The following IRS1 variants were observed in gnomAD, a reference collection of about 807,000 sequenced individuals.
IRS1 encodes the protein insulin receptor substrate 1.
In IRS1, 34 loss-of-function variants were observed where a neutral mutation model predicts 65.6. The ratio of observed to expected loss-of-function variants is 0.52; its 90% confidence interval spans 0.39 to 0.69. IRS1 has a LOEUF of 0.69. Among genes scored for constraint, IRS1 ranks in the 30% least tolerant of loss-of-function variants. IRS1 has a pLI of 0.00. For synonymous variants in IRS1, 699 were observed against 683.5 expected, an observed-to-expected ratio of 1.02 and a Z score of -0.35; for missense variants, 1,641 against 1,720.2, an observed-to-expected ratio of 0.95 and a Z score of 0.81.
chr2:226,791,183 C>A (rs959789179), intron 1 of IRS1, among the ~76,000 whole-genome samples: 2 of 152,078 alleles, frequency 1.3e-5, no homozygotes, highest in Non-Finnish European at 2.9e-5. Flanking sequence ...CCCCATGACC[C>A]AAAACGATGG....
Position 226,735,909 on chromosome 2 carries a change from T to C in IRS1, c.*363A>G, listed in dbSNP as rs1025677868. The C allele has an allele frequency of 1.3e-5, 2 of 152,666 alleles. No homozygotes were observed. The highest frequency in any genetic ancestry group is 1.3e-4 in the Admixed American group (2 of 15,278). 9.5% of individuals were successfully genotyped at this position (152,666 alleles called of 1,614,324 possible). A position where few individuals can be genotyped will look rare whatever the true frequency, so the allele number is the denominator to read the frequency against. Reference sequence around the variant, plus strand: ...CAGTTTCAGCAGCAGATGAAATGTATCTTGAAAATGCATTGAGAGTAAACC... The same window carrying C: ...CAGTTTCAGCAGCAGATGAAATGTACCTTGAAAATGCATTGAGAGTAAACC... On this transcript the variant is annotated 3_prime_UTR_variant, in exon 2 of 2. Coordinates refer to ENST00000305123, the MANE Select transcript of IRS1 (RefSeq NM_005544.3).
chr2:226,748,428 C>CA (rs748065097), intron 1 of IRS1, among the ~76,000 whole-genome samples: 4,241 of 47,352 alleles, frequency 0.09, 127 homozygotes, highest in Non-Finnish European at 0.13. Context: ...GACTCTGTCT[C>CA]AAAAAAAAAA....
intron 1 of IRS1, among the ~76,000 whole-genome samples, chr2:226,774,681 G>C: frequency 6.6e-6 from 1 of 152,190 alleles, no homozygotes; most frequent in East Asian, 1.9e-4. Flanking sequence ...AACACATGTA[G>C]AGAAACATTT....
At chr2:226,744,953 A>T (rs1237916668) in intron 1 of IRS1, among the ~76,000 whole-genome samples, 1 of 152,124 alleles carries the variant, frequency 6.6e-6, no homozygotes, top group East Asian at 1.9e-4. Flanking sequence ...AAAAAAAAAC[A>T]AAGTGGTCTA....
chr2:226,738,633 A>C (rs538615350), intron 1 of IRS1, among the ~76,000 whole-genome samples: 1 of 152,310 alleles, frequency 6.6e-6, no homozygotes, highest in African/African-American at 2.4e-5. Flanking sequence ...AATGAAAAGA[A>C]AGCCCGTCCC....
rs974159919 is a variant in IRS1 at position 226,795,389 on chromosome 2, A to C, written c.3350T>G (p.Val1117Gly). 2.5e-6 allele frequency: 4 copies of C among 1,613,202 alleles called. No homozygotes were observed. The highest frequency in any genetic ancestry group is 3.4e-6 in the Non-Finnish European group (4 of 1,179,942). Residue 1117 changes from valine (V) to glycine (G), a missense_variant, in exon 1 of 2, where the codon GTG (valine) becomes GGG (glycine). Val to Gly is a moderately radical substitution (Grantham distance 109). Coordinates refer to ENST00000305123, the MANE Select transcript of IRS1 (RefSeq NM_005544.3). ...TPSATRVGNT[V>G]PFGAGAAVGG... The stretch of plus-strand genomic sequence containing the variant: ...TACTGCTGCCCCCGCTCCAAAGGGC[A>C]CTGTGTTGCCCACCCGGGTGGCACT...
Position 226,794,699 on chromosome 2 carries a change from T to A in IRS1, c.*21+290A>T, listed in dbSNP as rs949463906. Among the ~76,000 whole-genome samples, 2 of 152,230 alleles carry A rather than the reference T, an allele frequency of 1.3e-5. No individual in the cohort carries two copies. Among genetic ancestry groups the A allele is most frequent in the African/African-American group, 4.8e-5 (2 of 41,454 alleles). Reference sequence around the variant, plus strand: ...CAAATCAAGCTTCTTACGGAGGAACTCTACAAAACGCAGAACTGGCATAGG... The same window carrying A: ...CAAATCAAGCTTCTTACGGAGGAACACTACAAAACGCAGAACTGGCATAGG... On this transcript the variant is annotated intron_variant, in intron 1 of 1. Transcript: ENST00000305123. This position sits in a 1 kb window ranked among gnomAD's most constrained non-coding sequence, Gnocchi z 4.1.
At chr2:226,737,916 T>C (rs1938361260) in intron 1 of IRS1, among the ~76,000 whole-genome samples, 1 of 152,176 alleles carries the variant, frequency 6.6e-6, no homozygotes. Context: ...AAAAGGACGC[T>C]TCCCATTGAG....
At position 226,797,845 on chromosome 2, in the gene IRS1, C is replaced by G. The variant is rs747682753; in HGVS notation, c.894G>C (p.Gly298=). The G allele has an allele frequency of 3.7e-5, 59 of 1,597,982 alleles. No homozygotes were observed. The highest frequency in any genetic ancestry group is 5.0e-5 in the Admixed American group (3 of 59,570). The change falls in exon 1 of 2, where the codon GGG becomes GGC. Residue 298 remains glycine, a synonymous_variant. Transcript: ENST00000305123. This position sits in a 1 kb window ranked among gnomAD's most constrained non-coding sequence, Gnocchi z 8.1. ...HLNNPPPSQV[G]LTRRSRTESI... Reference sequence around the variant, plus strand: ...TCTCAGTGCGTGATCGGCGGGTCAGCCCCACCTGGCTGGGCGGGGGATTGT... The same window carrying G: ...TCTCAGTGCGTGATCGGCGGGTCAGGCCCACCTGGCTGGGCGGGGGATTGT...
intron 1 of IRS1, among the ~76,000 whole-genome samples, chr2:226,740,885 A>G (rs1189992225): frequency 6.6e-6 from 1 of 152,192 alleles, no homozygotes; most frequent in Non-Finnish European, 1.5e-5. Context: ...ATTGTTTGAA[A>G]TCTTATATTG....
At chr2:226,788,359 G>A (rs1939526294) in intron 1 of IRS1, among the ~76,000 whole-genome samples, 1 of 152,102 alleles carries the variant, frequency 6.6e-6, no homozygotes, top group African/African-American at 2.4e-5. Context: ...CAACTCTACT[G>A]CCATTATCAA....
intron 1 of IRS1, among the ~76,000 whole-genome samples, chr2:226,756,783 G>A: frequency 6.6e-6 from 1 of 151,928 alleles, no homozygotes; most frequent in East Asian, 1.9e-4. Flanking sequence ...CCAACATGAT[G>A]AAACCCCGTC....
intron 1 of IRS1, among the ~76,000 whole-genome samples, chr2:226,755,059 T>G (rs1456163851): frequency 6.6e-6 from 1 of 152,150 alleles, no homozygotes; most frequent in East Asian, 1.9e-4. Context: ...TAGAAACCCT[T>G]TTAGCTCTCC....
At chr2:226,791,570 G>C (rs972179771) in intron 1 of IRS1, among the ~76,000 whole-genome samples, 11 of 152,084 alleles carry the variant, frequency 7.2e-5, no homozygotes, top group Non-Finnish European at 1.5e-4. Context: ...GGGGGCCTGC[G>C]GCTCGGCCTG....
chr2:226,784,924 A>G lies in IRS1; in HGVS notation c.*21+10065T>C, dbSNP rs566257861. 2.0e-5 allele frequency among the ~76,000 whole-genome samples: 3 copies of G among 152,328 alleles called. No homozygotes were observed. In the South Asian group the frequency reaches 6.2e-4, roughly 32 times the overall value. ...CAGCAATACACACTTTCCTTAGGAG[A>G]CAGGGTAGATTCTCCTTATTCCATT... On this transcript the variant is annotated intron_variant, in intron 1 of 1. Transcript: ENST00000305123.
At chr2:226,741,655 CCTCACTGCTGATACA>C (rs1938439213) in intron 1 of IRS1, among the ~76,000 whole-genome samples, 1 of 152,030 alleles carries the variant, frequency 6.6e-6, no homozygotes, top group South Asian at 2.1e-4. Flanking sequence ...TCTTCAGTTA[CCTCACTGCTGATACA>C]CTTAATTTAC....
In IRS1 at chr2:226,799,393, C is replaced by A; in HGVS notation, c.-655G>T. 1 of 1,264,528 alleles carries A rather than the reference C, an allele frequency of 7.9e-7. No individual in the cohort carries two copies. Among genetic ancestry groups the A allele is most frequent in the Non-Finnish European group, 1.0e-6 (1 of 971,090 alleles). 78.3% of individuals were successfully genotyped at this position (1,264,528 alleles called of 1,614,324 possible). A position where few individuals can be genotyped will look rare whatever the true frequency, so the allele number is the denominator to read the frequency against. ...CTGCTGCTGCTGCTGCTGCTGCTGC[C>A]GCCGCCCGCGGGCGCGTCCTCTGCA... On this transcript the variant is annotated 5_prime_UTR_variant, in exon 1 of 2. Coordinates refer to ENST00000305123, the MANE Select transcript of IRS1 (RefSeq NM_005544.3). The surrounding 1 kb of genome is among the most constrained non-coding windows in gnomAD (Gnocchi z 6.1).
chr2:226,756,560 A>G (rs892821888), intron 1 of IRS1, among the ~76,000 whole-genome samples: 6 of 152,250 alleles, frequency 3.9e-5, no homozygotes, highest in African/African-American at 1.2e-4. Flanking sequence ...TTATTGATCA[A>G]TTATAATATG....
In IRS1 at chr2:226,783,497, T is replaced by C. The variant is rs534546424; in HGVS notation, c.*21+11492A>G. ...AAAGGCAGGGACACACGTATTTCAG[T>C]CTCCACTGCCTGGCTCACAGAGAAA... On this transcript the variant is annotated intron_variant, in intron 1 of 1. Transcript: ENST00000305123. Among the ~76,000 whole-genome samples, 4 of 152,278 alleles carry C rather than the reference T, an allele frequency of 2.6e-5. No homozygotes were observed. In the South Asian group the frequency reaches 8.3e-4, roughly 32 times the overall value.
Sources: allele counts gnomAD v4.1 joint callset (sites outside exome capture counted in the v4.1 genomes callset), GRCh38; gene constraint gnomAD v4.1.1; non-coding constraint Gnocchi (gnomAD v3.1); transcripts MANE v1.5; gene names NCBI Gene and HGNC (gene_info 2026-07-23, HGNC 2026-07-21).